The following RBFOX2 variants were observed in gnomAD, a reference collection of about 807,000 sequenced individuals.
The protein encoded by RBFOX2 is RNA binding protein fox-1 homolog 2.
A neutral mutation model predicts 49.1 loss-of-function variants in RBFOX2; 10 were observed. The ratio of observed to expected loss-of-function variants is 0.20; its 90% CI spans 0.13 to 0.35. The LOEUF is 0.35. Ranked by LOEUF, RBFOX2 falls within the 10% of genes least tolerant of loss-of-function variation. The pLI, the probability that RBFOX2 is intolerant of heterozygous loss-of-function variation, is 1.00. For missense variants in RBFOX2, 323 were observed against 486.9 expected, an observed-to-expected ratio of 0.66 and a Z score of 3.17; for synonymous variants, 183 against 187.4, an observed-to-expected ratio of 0.98 and a Z score of 0.19.
chr22:35,761,706 G>A (rs999277295), intron 6 of RBFOX2, among the ~76,000 whole-genome samples: 12 of 152,014 alleles, frequency 7.9e-5, no homozygotes, highest in African/African-American at 2.9e-4. Context: ...GTTGGGAGGA[G>A]GAAGATGGAG....
In RBFOX2 at chr22:35,808,594, T is replaced by A. The variant is rs1388236179; in HGVS notation, c.252+1186A>T. On this transcript the variant is annotated intron_variant, in intron 2 of 11. Transcript: ENST00000405409. ...TGGGCATGGTGGCTCATGCCTCTAA[T>A]CCCAGCACTTTGGGAGACCATGGTA... Among the ~76,000 whole-genome samples, 3 of 152,130 alleles carry A rather than the reference T, an allele frequency of 2.0e-5. No individual in the cohort carries two copies. In the East Asian group the frequency reaches 5.8e-4, roughly 29 times the overall value.
chr22:35,750,975 C>T (rs529683217), intron 9 of RBFOX2, among the ~76,000 whole-genome samples: 2 of 152,170 alleles, frequency 1.3e-5, no homozygotes, highest in Non-Finnish European at 2.9e-5. Context: ...GGCTCAATGT[C>T]ATCTCCTAGG....
chr22:35,834,163 C>A (rs1316267903), intron 1 of RBFOX2, among the ~76,000 whole-genome samples: 1 of 152,174 alleles, frequency 6.6e-6, no homozygotes, highest in Non-Finnish European at 1.5e-5. Flanking sequence ...CTAAGCCAGT[C>A]TGTCTGGATA....
intron 1 of RBFOX2, among the ~76,000 whole-genome samples, chr22:35,981,122 G>GT (rs2057436787): frequency 6.6e-6 from 1 of 152,176 alleles, no homozygotes; most frequent in Admixed American, 6.5e-5. Context: ...CGTTATGGTA[G>GT]TAATTATTAT....
chr22:35,874,067 T>C (rs996314879), intron 1 of RBFOX2, among the ~76,000 whole-genome samples: 2 of 152,194 alleles, frequency 1.3e-5, no homozygotes, highest in African/African-American at 4.8e-5. Context: ...AATACACGAC[T>C]GTCATCTCAT....
intron 6 of RBFOX2, among the ~76,000 whole-genome samples, chr22:35,762,790 G>A (rs1939425623): frequency 6.6e-6 from 1 of 152,132 alleles, no homozygotes; most frequent in Non-Finnish European, 1.5e-5. Flanking sequence ...ACAGGCTTGA[G>A]CCACTGCGTC....
intron 1 of RBFOX2, among the ~76,000 whole-genome samples, chr22:35,891,332 A>G (rs995125973): frequency 4.6e-5 from 7 of 152,026 alleles, no homozygotes; most frequent in African/African-American, 1.7e-4. Context: ...ACGGTGTTTC[A>G]CCATGTTAGC....
intron 1 of RBFOX2, among the ~76,000 whole-genome samples, chr22:35,862,018 C>T (rs577144383): frequency 5.9e-5 from 9 of 152,198 alleles, no homozygotes; most frequent in East Asian, 5.8e-4. Flanking sequence ...AAAGAAGCCA[C>T]GCAAAACAGT....
At chr22:35,880,245 G>C (rs12171123) in intron 1 of RBFOX2, among the ~76,000 whole-genome samples, 9 of 152,128 alleles carry the variant, frequency 5.9e-5, no homozygotes, top group African/African-American at 2.2e-4. Context: ...CAGGACCGCA[G>C]TGAGGGAGAA....
chr22:35,791,385 C>CAAAAA, intron 2 of RBFOX2, among the ~76,000 whole-genome samples: 1 of 130,012 alleles, frequency 7.7e-6, no homozygotes, highest in Non-Finnish European at 1.6e-5. Context: ...AACTCTGTCT[C>CAAAAA]AAAAAAAAAA....
At position 35,946,263 on chromosome 22, in the gene RBFOX2, A is replaced by G. The variant is rs540055279; in HGVS notation, c.43-7366T>C. 3.3e-5 allele frequency among the ~76,000 whole-genome samples: 5 copies of G among 152,326 alleles called. 1 individual carries two copies. In the East Asian group the frequency reaches 7.7e-4, roughly 23 times the overall value. On this transcript the variant is annotated intron_variant, in intron 1 of 5. Coordinates refer to the RBFOX2 transcript ENST00000408983. ...AGAATTTACAACTCCTGACTCTCAAATCATATAAACTATTCACTTCAGACT... is the reference window on the plus strand; with the variant it reads ...AGAATTTACAACTCCTGACTCTCAAGTCATATAAACTATTCACTTCAGACT...
At chr22:35,954,323 A>T (rs922403872) in intron 1 of RBFOX2, among the ~76,000 whole-genome samples, 2 of 152,256 alleles carry the variant, frequency 1.3e-5, no homozygotes, top group African/African-American at 4.8e-5. Flanking sequence ...AAAGCTCTTA[A>T]CACAGAATTC....
At chr22:35,980,071 A>G (rs1208730725) in intron 1 of RBFOX2, among the ~76,000 whole-genome samples, 1 of 152,212 alleles carries the variant, frequency 6.6e-6, no homozygotes, top group Non-Finnish European at 1.5e-5. Context: ...CTTTACTTGT[A>G]CAGGGAATGT....
chr22:35,868,243 T>C (rs374084308), intron 1 of RBFOX2, among the ~76,000 whole-genome samples: 39 of 152,148 alleles, frequency 2.6e-4, no homozygotes, highest in African/African-American at 8.9e-4. Flanking sequence ...AATAAACAAA[T>C]ATAAAAACCA....
chr22:35,760,099 C>A, intron 8 of RBFOX2, 79 bp from the exon 10 acceptor site: 1 of 1,551,100 alleles, frequency 6.4e-7, no homozygotes, highest in Non-Finnish European at 8.9e-7. Flanking sequence ...TGCTATGAAC[C>A]AATTATAGAA....
intron 1 of RBFOX2, among the ~76,000 whole-genome samples, chr22:35,977,725 T>TAGAG (rs200982540): frequency 0.014 from 105 of 7,630 alleles, 4 homozygotes; most frequent in African/African-American, 0.026. Context: ...GAATGAACTA[T>TAGAG]ATATATATAT....
Position 36,005,679 on chromosome 22 carries a change from T to C in RBFOX2, c.186+22561A>G, listed in dbSNP as rs548431396. 3.3e-3 allele frequency among the ~76,000 whole-genome samples: 496 copies of C among 152,336 alleles called. 2 individuals carry two copies. Among genetic ancestry groups the C allele is most frequent in the Non-Finnish European group, 4.8e-3 (328 of 68,036 alleles). ...GAGATAGGCAGCACATGTGTTCCAC[T>C]GAAAAAATCTCTAGGTCCCCACTGA... On this transcript the variant is annotated intron_variant, in intron 1 of 13. Coordinates refer to the RBFOX2 transcript ENST00000438146.
At chr22:35,989,723 A>AGTGGCACTCAAATTTG (rs1417041399) in intron 1 of RBFOX2, among the ~76,000 whole-genome samples, 2 of 152,176 alleles carry the variant, frequency 1.3e-5, no homozygotes, top group African/African-American at 4.8e-5. Flanking sequence ...AAGGACGAAA[A>AGTGGCACTCAAATTTG]GTGGCACTCA....
At chr22:35,915,358 T>C (rs905249601) in intron 1 of RBFOX2, among the ~76,000 whole-genome samples, 1 of 152,246 alleles carries the variant, frequency 6.6e-6, no homozygotes, top group Non-Finnish European at 1.5e-5. Flanking sequence ...TGTAGCTAGA[T>C]TCTTTCCCCA....
Sources: allele counts gnomAD v4.1 joint callset (sites outside exome capture counted in the v4.1 genomes callset), GRCh38; gene constraint gnomAD v4.1.1; transcripts MANE v1.5; gene names NCBI Gene and HGNC (gene_info 2026-07-23, HGNC 2026-07-21).